Variants in TMEM232 observed in about 807,000 individuals in gnomAD.
The protein encoded by TMEM232 is transmembrane protein 232.
A neutral mutation model predicts 78.8 loss-of-function variants in TMEM232; 80 were observed. The observed-to-expected ratio is 1.01, with a 90% CI of 0.85 to 1.22. The LOEUF is 1.22. TMEM232 is among the 50% of genes most tolerant of loss of function. The pLI is 0.00. For synonymous variants in TMEM232, 297 were observed against 254.3 expected (o/e 1.17, Z -1.60); for missense variants, 881 against 742.2 (o/e 1.19, Z -2.17).
intron 1 of TMEM232, among the ~76,000 whole-genome samples, chr5:110,721,673 G>GTGTGTATATATATATATATATATATATA (rs146117698): frequency 2.8e-5 from 1 of 35,438 alleles, no homozygotes; most frequent in African/African-American, 7.8e-5. Flanking sequence ...GTGTGTGTGT[G>GTGTGTATATATATATATATATATATATA]TATATATATA....
chr5:110,698,537 A>G (rs989496355), intron 1 of TMEM232, among the ~76,000 whole-genome samples: 3 of 152,124 alleles, frequency 2.0e-5, no homozygotes, highest in African/African-American at 7.2e-5. Context: ...ATTCAGGGAC[A>G]CACAGGACTC....
chr5:110,469,405 G>A (rs554905862), intron 12 of TMEM232, among the ~76,000 whole-genome samples: 1 of 152,312 alleles, frequency 6.6e-6, no homozygotes, highest in Admixed American at 6.5e-5. Context: ...CTGAAGCCAT[G>A]CCACCTACTC....
intron 10 of TMEM232, among the ~76,000 whole-genome samples, chr5:110,599,009 A>C (rs552758287): frequency 2.0e-4 from 30 of 151,928 alleles, no homozygotes; most frequent in Non-Finnish European, 3.7e-4. Context: ...CTTAAAGTAT[A>C]ATAATAATAA....
intron 1 of TMEM232, among the ~76,000 whole-genome samples, chr5:110,709,616 G>A (rs950836229): frequency 4.6e-5 from 7 of 152,050 alleles, no homozygotes; most frequent in South Asian, 4.2e-4. Context: ...AAAATTAAAC[G>A]ATGCGCACCT....
intron 12 of TMEM232, among the ~76,000 whole-genome samples, chr5:110,508,081 T>G (rs1161903586): frequency 1.3e-5 from 2 of 152,124 alleles, no homozygotes; most frequent in East Asian, 3.9e-4. Flanking sequence ...AAGATAGGCA[T>G]TTTTCTTTAA....
At chr5:110,612,428 C>G (rs1782422366) in intron 8 of TMEM232, among the ~76,000 whole-genome samples, 1 of 152,006 alleles carries the variant, frequency 6.6e-6, no homozygotes, top group East Asian at 1.9e-4. Flanking sequence ...CAACGAAAAC[C>G]TACATTGACA....
rs3985014 is a variant in TMEM232 at position 110,726,108 on chromosome 5, TCACA to T, written c.-13+515_-13+518del. Among the ~76,000 whole-genome samples the T allele has an allele frequency of 5.7e-3, 826 of 144,608 alleles. 4 individuals are homozygous for T. Among genetic ancestry groups the T allele is most frequent in the South Asian group, 6.0e-3 (27 of 4,500 alleles). The allele number at this position is 144,608 out of a possible 152,430, so 94.9% of individuals were successfully genotyped here. ...TCTCCAATATACCCCCCTCTCTCTT[TCACA>T]CACACACACACACACACACACACAC... is the stretch of plus-strand genomic sequence containing the variant. On this transcript the variant is annotated intron_variant, in intron 1 of 13. Transcript: ENST00000455884.
chr5:110,571,491 T>A (rs370855745), intron 10 of TMEM232, among the ~76,000 whole-genome samples: 1 of 151,744 alleles, frequency 6.6e-6, no homozygotes, highest in African/African-American at 2.4e-5. Flanking sequence ...ATAGTAAGGA[T>A]CTCAAATGAA....
rs546539458 is a variant in TMEM232 at position 110,471,895 on chromosome 5, A to G, written c.1704-46979T>C. Reference sequence around the variant, plus strand: ...ACTCAAAGAAATCAAATCAAAGGTGAAAAAGAAGACATTACAACATATAAC... The same window carrying G: ...ACTCAAAGAAATCAAATCAAAGGTGGAAAAGAAGACATTACAACATATAAC... On this transcript the variant is annotated intron_variant, in intron 12 of 13. Coordinates refer to ENST00000455884, the MANE Select transcript of TMEM232 (RefSeq NM_001039763.4). 1.2e-4 allele frequency among the ~76,000 whole-genome samples: 18 copies of G among 152,232 alleles called. No homozygotes were observed. The South Asian group carries it at 3.5e-3, about 30-fold the overall frequency.
chr5:110,463,418 A>C (rs369644122), intron 12 of TMEM232, among the ~76,000 whole-genome samples: 9 of 152,236 alleles, frequency 5.9e-5, no homozygotes, highest in African/African-American at 2.2e-4. Flanking sequence ...GGGGAATAAC[A>C]GAATTGTGTA....
intron 12 of TMEM232, among the ~76,000 whole-genome samples, chr5:110,511,116 A>C (rs1455409935): frequency 1.3e-5 from 2 of 152,208 alleles, no homozygotes. Context: ...ATGCCGCCAC[A>C]AAAGGGAATG....
intron 2 of TMEM232, chr5:110,666,556 C>T (rs2150127133): frequency 6.6e-6 from 1 of 152,114 alleles, no homozygotes; most frequent in Non-Finnish European, 1.5e-5. Flanking sequence ...TTTGTAGCAT[C>T]CTTGACCATT....
intron 1 of TMEM232, among the ~76,000 whole-genome samples, chr5:110,695,813 G>A (rs1794705803): frequency 6.6e-6 from 1 of 152,028 alleles, no homozygotes. Context: ...ATAATTAATA[G>A]CTTACCAACC....
chr5:110,463,404 C>G (rs2149359001), intron 12 of TMEM232, among the ~76,000 whole-genome samples: 1 of 152,248 alleles, frequency 6.6e-6, no homozygotes, highest in Non-Finnish European at 1.5e-5. Context: ...CTTTTATATG[C>G]ACTGGGGAAT....
At chr5:110,515,374 C>G (rs913128174) in intron 12 of TMEM232, among the ~76,000 whole-genome samples, 2 of 152,202 alleles carry the variant, frequency 1.3e-5, no homozygotes, top group South Asian at 4.1e-4. Context: ...AAGAGCACCT[C>G]TTAAGGCCTC....
At chr5:110,671,176 A>G in intron 1 of TMEM232, among the ~76,000 whole-genome samples, 1 of 152,230 alleles carries the variant, frequency 6.6e-6, no homozygotes, top group Admixed American at 6.5e-5. Flanking sequence ...CATTAGAGAA[A>G]TGCAAACCAA....
chr5:110,690,209 A>G (rs749749688), intron 1 of TMEM232, among the ~76,000 whole-genome samples: 13 of 152,344 alleles, frequency 8.5e-5, no homozygotes, highest in Admixed American at 7.8e-4. Flanking sequence ...AACCTACAGA[A>G]TGGAATAAAA....
At chr5:110,406,118 G>A (rs1157781978) in intron 2 of TMEM232, among the ~76,000 whole-genome samples, 1 of 151,898 alleles carries the variant, frequency 6.6e-6, no homozygotes, top group Non-Finnish European at 1.5e-5. Flanking sequence ...CTGAATGGCT[G>A]ATTCATCTAA....
intron 6 of TMEM232, among the ~76,000 whole-genome samples, chr5:110,627,312 A>G (rs1344351669): frequency 6.6e-6 from 1 of 151,968 alleles, no homozygotes; most frequent in Non-Finnish European, 1.5e-5. Flanking sequence ...AAATAAGAAA[A>G]CTGAGTCACA....
Sources: allele counts gnomAD v4.1 joint callset (sites outside exome capture counted in the v4.1 genomes callset), GRCh38; gene constraint gnomAD v4.1.1; transcripts MANE v1.5; gene names NCBI Gene and HGNC (gene_info 2026-07-23, HGNC 2026-07-21).